The following TSHR variants were observed in gnomAD, a reference collection of about 807,000 sequenced individuals.
TSHR encodes the protein thyrotropin receptor.
A neutral mutation model predicts 64.1 loss-of-function variants in TSHR; 51 were observed. The observed-to-expected ratio is 0.80, with a 90% CI of 0.64 to 1.01. The LOEUF is 1.01. TSHR is among the 50% of genes least tolerant of loss of function. The pLI is 0.00. For synonymous variants in TSHR, 361 were observed against 361.9 expected (o/e 1.00, Z 0.03); for missense variants, 877 against 942.8 (o/e 0.93, Z 0.91).
At chr14:81,095,980 C>G (rs1889147899) in intron 6 of TSHR, among the ~76,000 whole-genome samples, 2 of 148,438 alleles carry the variant, frequency 1.3e-5, no homozygotes, top group Admixed American at 1.4e-4. Context: ...CTCAAGGCTG[C>G]AGTGAGCCGT....
At chr14:81,067,324 A>G (rs1013629857) in intron 2 of TSHR, among the ~76,000 whole-genome samples, 2 of 151,960 alleles carry the variant, frequency 1.3e-5, no homozygotes, top group Admixed American at 1.3e-4. Context: ...ATAAGAGTCG[A>G]CAACATGCCA....
intron 1 of TSHR, chr14:81,003,391 A>T (rs1349118844): frequency 1.3e-5 from 2 of 155,382 alleles, no homozygotes; most frequent in Non-Finnish European, 2.9e-5. Flanking sequence ...GCTTCAGACT[A>T]CATTTCCTAT....
At chr14:81,112,504 C>T (rs769079826) in intron 8 of TSHR, among the ~76,000 whole-genome samples, 14 of 152,144 alleles carry the variant, frequency 9.2e-5, no homozygotes, top group Non-Finnish European at 1.8e-4. Context: ...AGTTTAGGGC[C>T]TCATACCTTA....
rs1351830457 is a variant in TSHR at position 81,051,299 on chromosome 14, C to T, written c.171-10849C>T. The T allele has an allele frequency of 2.6e-5, 4 of 152,190 alleles. No individual in the cohort carries two copies. In the East Asian group the frequency reaches 7.7e-4, roughly 29 times the overall value. 9.4% of individuals were successfully genotyped at this position (152,190 alleles called of 1,614,324 possible). ...TCTAGTTCTCTTGCTATTTTCACCA[C>T]ATCCGTAGTTACTTCCTCCACTGAA... is the stretch of plus-strand genomic sequence containing the variant. On this transcript the variant is annotated intron_variant, in intron 1 of 9. Coordinates refer to ENST00000298171, the MANE Select transcript of TSHR (RefSeq NM_000369.5).
Position 81,146,123 on chromosome 14 carries a change from C to A in TSHR, c.*1770C>A. Reference sequence around the variant, plus strand: ...ATTAAACAAATGTGTTGCCTTTTGTCATGTGTTTCTCTCCTGTGACATTTC... The same window carrying A: ...ATTAAACAAATGTGTTGCCTTTTGTAATGTGTTTCTCTCCTGTGACATTTC... On this transcript the variant is annotated 3_prime_UTR_variant, in exon 10 of 10. Transcript: ENST00000298171. 1 of 228,556 alleles carries A rather than the reference C, an allele frequency of 4.4e-6. No individual in the cohort carries two copies. The highest frequency in any genetic ancestry group is 8.7e-6 in the Non-Finnish European group (1 of 115,162). 14.2% of individuals were successfully genotyped at this position (228,556 alleles called of 1,614,324 possible).
At chr14:81,063,768 T>C (rs1457922503) in intron 2 of TSHR, among the ~76,000 whole-genome samples, 5 of 152,048 alleles carry the variant, frequency 3.3e-5, no homozygotes, top group Non-Finnish European at 5.9e-5. Flanking sequence ...ATGAGTATCA[T>C]GATGGGGTCA....
chr14:81,057,158 C>T lies in TSHR; in HGVS notation c.171-4990C>T, dbSNP rs539599101. Among the ~76,000 whole-genome samples, 24 of 152,248 alleles carry T rather than the reference C, an allele frequency of 1.6e-4. No individual in the cohort carries two copies. The Middle Eastern group carries it at 0.01, about 65-fold the overall frequency. ...GGGTGCAGTGGCTCACACCTGTAATCCCAGCACTTTGGGAGGCCAAGGCAG... is the reference window on the plus strand; with the variant it reads ...GGGTGCAGTGGCTCACACCTGTAATTCCAGCACTTTGGGAGGCCAAGGCAG... On this transcript the variant is annotated intron_variant, in intron 1 of 9. Coordinates refer to ENST00000298171, the MANE Select transcript of TSHR (RefSeq NM_000369.5).
At chr14:81,117,627 A>G (rs1890578909) in intron 8 of TSHR, among the ~76,000 whole-genome samples, 1 of 135,852 alleles carries the variant, frequency 7.4e-6, no homozygotes, top group African/African-American at 3.0e-5. Context: ...TCCTTCTGAA[A>G]CTATTCCAAT....
intron 7 of TSHR, chr14:81,104,144 G>C (rs1219044347): frequency 5.1e-6 from 5 of 985,312 alleles, no homozygotes; most frequent in African/African-American, 1.7e-5. Context: ...TTGAGAGCTT[G>C]AGTATTTTCT....
chr14:81,061,407 T>C (rs1029333108), intron 1 of TSHR, among the ~76,000 whole-genome samples: 1 of 152,028 alleles, frequency 6.6e-6, no homozygotes, highest in Non-Finnish European at 1.5e-5. Context: ...TGTCCATCAG[T>C]GACAGATTGG....
chr14:81,007,543 G>A (rs946873948), intron 1 of TSHR, among the ~76,000 whole-genome samples: 3 of 152,260 alleles, frequency 2.0e-5, no homozygotes, highest in African/African-American at 7.2e-5. Context: ...TCATCACTTC[G>A]TATCAAGGGT....
chr14:80,955,796 T>A lies in TSHR; in HGVS notation c.116T>A (p.Val39Asp). The A allele has an allele frequency of 6.2e-7, 1 of 1,614,038 alleles. No homozygotes were observed. The highest frequency in any genetic ancestry group is 8.5e-7 in the Non-Finnish European group (1 of 1,180,008). Reference protein sequence around the residue: ...CECHQEEDFRVTCKDIQRIPS... With the variant: ...CECHQEEDFRDTCKDIQRIPS... ...TGCCATCAGGAGGAGGACTTCAGAG[T>A]CACCTGCAAGGATATTCAACGCATC... The change falls in exon 1 of 10, where the codon GTC becomes GAC. Residue 39 changes from valine to aspartate, a missense_variant. Physicochemically the swap from Val to Asp is radical, Grantham distance 152. Coordinates refer to ENST00000298171, the MANE Select transcript of TSHR (RefSeq NM_000369.5).
At chr14:81,038,459 T>A in intron 1 of TSHR, among the ~76,000 whole-genome samples, 1 of 150,202 alleles carries the variant, frequency 6.7e-6, no homozygotes, top group Non-Finnish European at 1.5e-5. Context: ...CAAGCTAAAT[T>A]TAAAATTAAG....
At position 81,143,915 on chromosome 14, in the gene TSHR, T is replaced by C. The variant is rs769214272; in HGVS notation, c.1857T>C (p.Asp619=). Residue 619 remains aspartate (D), a synonymous_variant, in exon 10 of 10, where the codon GAT becomes GAC. Transcript: ENST00000298171. ...RNPQYNPGDK[D]TKIAKRMAVL... is the part of the protein sequence containing the mutation. ...CGCAGTACAACCCAGGGGACAAAGA[T>C]ACCAAAATTGCCAAGAGGATGGCTG... 1.2e-6 allele frequency: 2 copies of C among 1,614,114 alleles called. No individual in the cohort carries two copies. Among genetic ancestry groups the C allele is most frequent in the Admixed American group, 1.7e-5 (1 of 60,004 alleles).
intron 1 of TSHR, among the ~76,000 whole-genome samples, chr14:81,059,804 A>G (rs1053504220): frequency 4.6e-5 from 7 of 152,296 alleles, no homozygotes; most frequent in Non-Finnish European, 8.8e-5. Context: ...TAAGCAAAAC[A>G]TTAGCATTTC....
intron 1 of TSHR, among the ~76,000 whole-genome samples, chr14:80,995,958 G>GCCATTGTCGACACTCCTAAACCCCT (rs1418974673): frequency 6.6e-6 from 1 of 152,000 alleles, no homozygotes; most frequent in African/African-American, 2.4e-5. Flanking sequence ...TTTTGATTAT[G>GCCATTGTCGACACTCCTAAACCCCT]CCATTGTCGA....
chr14:81,146,245 G>A lies in TSHR; in HGVS notation c.*1892G>A. ...CTAGAAAAGTGACTTCAACAGAATT[G>A]TTACTAAAATTTGCACTCACAACAT... On this transcript the variant is annotated 3_prime_UTR_variant, in exon 10 of 10. Transcript: ENST00000298171. The A allele has an allele frequency of 4.8e-6, 1 of 208,338 alleles. No individual in the cohort carries two copies. The highest frequency in any genetic ancestry group is 2.3e-5 in the African/African-American group (1 of 44,052). 12.9% of individuals were successfully genotyped at this position (208,338 alleles called of 1,614,324 possible).
At chr14:80,999,194 A>G (rs143036508) in intron 1 of TSHR, among the ~76,000 whole-genome samples, 1 of 152,206 alleles carries the variant, frequency 6.6e-6, no homozygotes. Context: ...TTTTGAATAC[A>G]TAGGGTAAAA....
chr14:80,984,121 T>C (rs1219139440), intron 1 of TSHR, among the ~76,000 whole-genome samples: 1 of 152,204 alleles, frequency 6.6e-6, no homozygotes, highest in Non-Finnish European at 1.5e-5. Context: ...GTGCACTCTC[T>C]ACATAAAGGA....
Sources: allele counts gnomAD v4.1 joint callset (sites outside exome capture counted in the v4.1 genomes callset), GRCh38; gene constraint gnomAD v4.1.1; transcripts MANE v1.5; gene names NCBI Gene and HGNC (gene_info 2026-07-23, HGNC 2026-07-21).